Variants in WDR19 observed in about 807,000 individuals in gnomAD.
The protein encoded by WDR19 is WD repeat domain 19.
WDR19 carries 121 observed loss-of-function variants against 180.0 expected under a neutral mutation model. That is an observed-to-expected ratio of 0.67 (90% CI 0.58 to 0.78). The LOEUF (loss-of-function observed/expected upper bound fraction) is 0.78, where lower values mean the gene tolerates loss of function less well. WDR19 is among the 30% of genes least tolerant of loss of function. The pLI is 0.00. For synonymous variants in WDR19, 497 were observed against 540.7 expected (o/e 0.92, Z 1.12); for missense variants, 1,450 against 1,640.7 (o/e 0.88, Z 2.01).
intron 34 of WDR19, 146 bp downstream of exon 34, chr4:39,277,289 C>T: frequency 1.1e-6 from 1 of 909,674 alleles, no homozygotes; most frequent in Non-Finnish European, 1.6e-6. Flanking sequence ...ATTTCATAGT[C>T]AATACAGTTA....
At chr4:39,266,608 C>A (rs936676948) in intron 29 of WDR19, among the ~76,000 whole-genome samples, 1 of 152,188 alleles carries the variant, frequency 6.6e-6, no homozygotes, top group Non-Finnish European at 1.5e-5. Context: ...TCACCACATA[C>A]AATTTTTCTC....
At chr4:39,195,762 G>C (rs1726686613) in intron 5 of WDR19, among the ~76,000 whole-genome samples, 1 of 152,208 alleles carries the variant, frequency 6.6e-6, no homozygotes, top group Admixed American at 6.5e-5. Flanking sequence ...GGCACCCACA[G>C]ATACTTGAGA....
intron 21 of WDR19, among the ~76,000 whole-genome samples, chr4:39,242,926 C>T (rs1192869356): frequency 6.6e-6 from 1 of 152,094 alleles, no homozygotes; most frequent in African/African-American, 2.4e-5. Context: ...CCTCAGCCTC[C>T]CAAAGTGCTG....
chr4:39,234,733 C>G, intron 19 of WDR19, 33 bp from the exon 20 acceptor site: 2 of 1,438,698 alleles, frequency 1.4e-6, no homozygotes, highest in Non-Finnish European at 1.9e-6. Flanking sequence ...TAATTTTGCT[C>G]ATTTGAAATT....
chr4:39,205,905 A>T, intron 9 of WDR19, 169 bp downstream of exon 9: 1 of 639,814 alleles, frequency 1.6e-6, no homozygotes, highest in Non-Finnish European at 2.5e-6. Flanking sequence ...AAAACAAAGT[A>T]TAGTTGAAAA....
chr4:39,235,866 AC>A (rs1171164601), intron 20 of WDR19, among the ~76,000 whole-genome samples: 2 of 152,220 alleles, frequency 1.3e-5, no homozygotes, highest in Non-Finnish European at 2.9e-5. Flanking sequence ...TAAGCAGCCA[AC>A]AAAAATATGA....
intron 15 of WDR19, among the ~76,000 whole-genome samples, chr4:39,225,568 AT>A (rs1730163146): frequency 6.6e-6 from 1 of 152,234 alleles, no homozygotes; most frequent in Non-Finnish European, 1.5e-5. Context: ...GTGCCTTTAC[AT>A]TAGTTAACTA....
intron 9 of WDR19, among the ~76,000 whole-genome samples, chr4:39,214,109 C>T (rs527842866): frequency 7.9e-5 from 12 of 152,176 alleles, no homozygotes; most frequent in African/African-American, 2.2e-4. Context: ...ATGTTATGCC[C>T]GCATTTTTCA....
In WDR19 at chr4:39,205,864, C is replaced by T. The variant is rs1415437457; in HGVS notation, c.890+128C>T. ...ATTTAAAACGTCTAAGACTACTTTGCTCCTGATTTTAATATTCAGGGCAAA... is the reference window on the plus strand; with the variant it reads ...ATTTAAAACGTCTAAGACTACTTTGTTCCTGATTTTAATATTCAGGGCAAA... On this transcript the variant is annotated intron_variant, in intron 9 of 36. Coordinates refer to ENST00000399820, the MANE Select transcript of WDR19 (RefSeq NM_025132.4). The T allele has an allele frequency of 1.0e-5, 9 of 889,214 alleles. No individual in the cohort carries two copies. In the East Asian group the frequency reaches 2.5e-4, roughly 25 times the overall value. 55.1% of individuals were successfully genotyped at this position (889,214 alleles called of 1,614,324 possible).
intron 15 of WDR19, 76 bp downstream of exon 15, chr4:39,225,109 A>C: frequency 6.0e-5 from 74 of 1,228,018 alleles, no homozygotes; most frequent in East Asian, 1.2e-4. Context: ...AGCCTATCTC[A>C]TGTAAAATTT....
At chr4:39,201,104 A>G (rs752674970) in intron 6 of WDR19, among the ~76,000 whole-genome samples, 2 of 152,066 alleles carry the variant, frequency 1.3e-5, no homozygotes, top group Admixed American at 6.6e-5. Flanking sequence ...TCTTTTTCTC[A>G]TGTAACAGAG....
chr4:39,248,532 G>A (rs552500124), intron 24 of WDR19, among the ~76,000 whole-genome samples: 1 of 152,290 alleles, frequency 6.6e-6, no homozygotes, highest in South Asian at 2.1e-4. Flanking sequence ...TGGGCTAAAT[G>A]TTCCAATTAA....
intron 7 of WDR19, 33 bp downstream of exon 7, chr4:39,203,755 A>G: frequency 6.4e-7 from 1 of 1,563,876 alleles, no homozygotes; most frequent in African/African-American, 1.3e-5. Context: ...CGTGCAAATC[A>G]TTTGGGTAAT....
chr4:39,262,169 G>A (rs983634987), intron 28 of WDR19, among the ~76,000 whole-genome samples: 4 of 152,098 alleles, frequency 2.6e-5, no homozygotes, highest in Non-Finnish European at 4.4e-5. Flanking sequence ...TAATTGATCT[G>A]GGACTAAAAC....
intron 25 of WDR19, 107 bp downstream of exon 25, chr4:39,253,399 ATTT>A: frequency 7.7e-7 from 1 of 1,298,006 alleles, no homozygotes. Flanking sequence ...TTTAGTCTTT[ATTT>A]TTTTATCAGG....
chr4:39,192,563 G>A (rs970695181), intron 4 of WDR19, among the ~76,000 whole-genome samples: 1 of 151,772 alleles, frequency 6.6e-6, no homozygotes, highest in Non-Finnish European at 1.5e-5. Flanking sequence ...TCTACCTCCC[G>A]GGTCAAAGCG....
chr4:39,254,930 A>T (rs1733604177), intron 26 of WDR19, among the ~76,000 whole-genome samples: 1 of 152,226 alleles, frequency 6.6e-6, no homozygotes, highest in East Asian at 1.9e-4. Context: ...AAATGACCAT[A>T]AGAATTGATG....
intron 6 of WDR19, 70 bp downstream of exon 6, chr4:39,199,663 A>G: frequency 7.9e-7 from 1 of 1,265,334 alleles, no homozygotes; most frequent in Non-Finnish European, 1.1e-6. Flanking sequence ...TTGTCTGTCA[A>G]ACTAATCTAT....
chr4:39,273,335 C>T (rs901303579), intron 32 of WDR19: 6 of 430,528 alleles, frequency 1.4e-5, no homozygotes, highest in Non-Finnish European at 2.0e-5. Context: ...CACGCAAAGG[C>T]GAGCAGGTGC....
Sources: gnomAD v4.1 joint callset for allele counts (sites outside exome capture counted in the v4.1 genomes callset) on GRCh38, gnomAD v4.1.1 for gene constraint, MANE v1.5 for transcripts, NCBI Gene and HGNC (gene_info 2026-07-23, HGNC 2026-07-21) for gene names.